The following CSMD3 variants were observed in gnomAD, a reference collection of about 807,000 sequenced individuals.
CSMD3 encodes CUB and sushi domain-containing protein 3.
CSMD3 carries 177 observed loss-of-function variants against 435.2 expected under a neutral mutation model. That is an observed-to-expected ratio of 0.41 (90% CI 0.36 to 0.46). The LOEUF (loss-of-function observed/expected upper bound fraction) is 0.46, where lower values mean the gene tolerates loss of function less well. Among genes scored for constraint, CSMD3 ranks in the 20% least tolerant of loss-of-function variants. CSMD3 has a pLI of 0.34. For synonymous variants in CSMD3, 1,656 were observed against 1,520.5 expected, an observed-to-expected ratio of 1.09 and a Z score of -2.07; for missense variants, 4,265 against 4,504.6, an observed-to-expected ratio of 0.95 and a Z score of 1.52.
At chr8:112,659,137 A>ATTATAT (rs1394622785) in intron 17 of CSMD3, among the ~76,000 whole-genome samples, 2,428 of 152,264 alleles carry the variant, frequency 0.016, 62 homozygotes, top group African/African-American at 0.055. Context: ...TCTTAATAGA[A>ATTATAT]TAGCAACATT....
At chr8:113,260,487 A>G (rs112305129) in intron 3 of CSMD3, among the ~76,000 whole-genome samples, 19 of 152,160 alleles carry the variant, frequency 1.2e-4, no homozygotes, top group African/African-American at 4.3e-4. Flanking sequence ...GGGAACCCAA[A>G]CAAGTTTGAA....
At chr8:112,697,496 C>T (rs1180782634) in intron 13 of CSMD3, among the ~76,000 whole-genome samples, 1 of 151,838 alleles carries the variant, frequency 6.6e-6, no homozygotes, top group African/African-American at 2.4e-5. Flanking sequence ...GGACAAAAAA[C>T]CAAACACCAC....
At chr8:112,346,632 C>CAAGAGG (rs2131027005) in intron 40 of CSMD3, among the ~76,000 whole-genome samples, 1 of 144,608 alleles carries the variant, frequency 6.9e-6, no homozygotes, top group Non-Finnish European at 1.5e-5. Flanking sequence ...GTACTGTATT[C>CAAGAGG]AAGAGGAAAT....
intron 5 of CSMD3, among the ~76,000 whole-genome samples, chr8:113,072,548 A>G (rs149641303): frequency 2.0e-5 from 3 of 151,840 alleles, no homozygotes; most frequent in Non-Finnish European, 4.4e-5. Flanking sequence ...ATCTACTACT[A>G]CAGCATCAAT....
intron 11 of CSMD3, among the ~76,000 whole-genome samples, chr8:112,832,341 A>G (rs1398077027): frequency 1.3e-5 from 2 of 152,188 alleles, no homozygotes; most frequent in Non-Finnish European, 2.9e-5. Flanking sequence ...TTTATATTAT[A>G]TGGAAAAGGT....
chr8:112,612,291 T>C (rs1833317830), intron 22 of CSMD3, among the ~76,000 whole-genome samples: 1 of 152,200 alleles, frequency 6.6e-6, no homozygotes, highest in Admixed American at 6.6e-5. Flanking sequence ...AAAGTCTGCA[T>C]GGATGTAAAT....
chr8:113,309,678 C>T (rs1588489594), intron 2 of CSMD3: 1 of 152,106 alleles, frequency 6.6e-6, no homozygotes, highest in African/African-American at 2.4e-5. Context: ...TAATTACTCC[C>T]TGTTTTTAAA....
At chr8:112,369,727 G>T (rs1464882231) in intron 38 of CSMD3, among the ~76,000 whole-genome samples, 1 of 151,872 alleles carries the variant, frequency 6.6e-6, no homozygotes, top group Non-Finnish European at 1.5e-5. Flanking sequence ...TGGGGTGCAA[G>T]GGCAGGGAGA....
At chr8:113,089,946 T>C (rs569920025) in intron 5 of CSMD3, among the ~76,000 whole-genome samples, 1 of 152,182 alleles carries the variant, frequency 6.6e-6, no homozygotes, top group South Asian at 2.1e-4. Flanking sequence ...CTAACCATTA[T>C]CCCGTTTTGT....
intron 31 of CSMD3, among the ~76,000 whole-genome samples, chr8:112,484,020 T>C (rs1819883016): frequency 6.6e-6 from 1 of 152,184 alleles, no homozygotes; most frequent in Non-Finnish European, 1.5e-5. Context: ...CCTCTATTTT[T>C]CTTTAACTCT....
chr8:113,272,523 G>C (rs1056530175), intron 3 of CSMD3, among the ~76,000 whole-genome samples: 4 of 150,898 alleles, frequency 2.7e-5, no homozygotes, highest in Non-Finnish European at 6.0e-5. Context: ...TGTGTTTGGG[G>C]TTTCTGCTTT....
intron 47 of CSMD3, 41 bp from the exon 48 acceptor site, chr8:112,314,658 G>C (rs763745283): frequency 2.2e-6 from 3 of 1,391,410 alleles, no homozygotes; most frequent in Non-Finnish European, 3.1e-6. Context: ...CAGTCTTTTA[G>C]AGCCTCAGTG....
chr8:112,645,262 TGA>T lies in CSMD3; in HGVS notation c.3194-39_3194-38del, dbSNP rs752143857. 4.3e-5 allele frequency: 48 copies of T among 1,110,874 alleles called. No homozygotes were observed. In the Middle Eastern group the frequency reaches 9.7e-4, roughly 23 times the overall value. 68.8% of individuals were successfully genotyped at this position (1,110,874 alleles called of 1,614,324 possible). ...AGAAACAGATCCATGTGATCAGCAG[TGA>T]GAGAGACAGAGGGTGAACAAATCTC... On this transcript the variant is annotated intron_variant, in intron 19 of 70. Coordinates refer to ENST00000297405, the MANE Select transcript of CSMD3 (RefSeq NM_198123.2).
chr8:112,570,917 A>G (rs541789555), intron 24 of CSMD3, among the ~76,000 whole-genome samples: 9 of 152,322 alleles, frequency 5.9e-5, no homozygotes, highest in Non-Finnish European at 1.0e-4. Flanking sequence ...CTTTTTAAGA[A>G]TGACAGCTTT....
At chr8:113,227,069 C>G (rs188929174) in intron 3 of CSMD3, among the ~76,000 whole-genome samples, 9 of 151,590 alleles carry the variant, frequency 5.9e-5, no homozygotes, top group African/African-American at 1.9e-4. Context: ...AGCAAAAGGA[C>G]TTGCTCTTGT....
intron 22 of CSMD3, among the ~76,000 whole-genome samples, chr8:112,590,357 G>A (rs1009134925): frequency 3.0e-4 from 46 of 151,928 alleles, no homozygotes; most frequent in African/African-American, 1.1e-3. Flanking sequence ...GAAAATGGAT[G>A]AGTAAATTAA....
intron 38 of CSMD3, among the ~76,000 whole-genome samples, chr8:112,355,694 G>A (rs544995546): frequency 5.3e-5 from 8 of 152,096 alleles, no homozygotes; most frequent in East Asian, 1.9e-4. Context: ...TTAGCCAGGC[G>A]TGGTGGCAGG....
Position 113,120,995 on chromosome 8 carries a change from A to G in CSMD3, c.710-22032T>C, listed in dbSNP as rs146768409. Among the ~76,000 whole-genome samples, 428 of 152,270 alleles carry G rather than the reference A, an allele frequency of 2.8e-3. 2 individuals are homozygous for G. Among genetic ancestry groups the G allele is most frequent in the African/African-American group, 9.6e-3 (398 of 41,570 alleles). ...AAATGGTTAATTTTAGCATCCATCC[A>G]AATGTCAGTTAGCCTGTCAGTGAAG... On this transcript the variant is annotated intron_variant, in intron 4 of 70. Transcript: ENST00000297405.
At chr8:112,382,291 C>CAAAAAAAAAAAAAAAAA (rs11384093) in intron 37 of CSMD3, among the ~76,000 whole-genome samples, 3 of 116,768 alleles carry the variant, frequency 2.6e-5, no homozygotes, top group Admixed American at 9.4e-5. Flanking sequence ...CTCTAAAATG[C>CAAAAAAAAAAAAAAAAA]AAAAAAAAAA....
Sources: allele counts gnomAD v4.1 joint callset (sites outside exome capture counted in the v4.1 genomes callset), GRCh38; gene constraint gnomAD v4.1.1; transcripts MANE v1.5; gene names NCBI Gene and HGNC (gene_info 2026-07-23, HGNC 2026-07-21).